Variants in CALCR observed in about 807,000 individuals in gnomAD.
CALCR encodes the protein calcitonin receptor.
A neutral mutation model predicts 59.5 loss-of-function variants in CALCR; 47 were observed. That is an observed-to-expected ratio of 0.79 (90% CI 0.63 to 1.01). The LOEUF (loss-of-function observed/expected upper bound fraction) is 1.01. Ranked by LOEUF, CALCR falls within the 50% of genes least tolerant of loss-of-function variation. The probability of loss-of-function intolerance (pLI) is 0.00; values close to 1 mark genes in which losing one functional copy is unlikely to be tolerated. For missense variants in CALCR, 566 were observed against 597.1 expected (o/e 0.95, Z 0.54); for synonymous variants, 213 against 211.3 (o/e 1.01, Z -0.07).
chr7:93,492,242 T>G lies in CALCR; in HGVS notation c.-26-5235A>C, dbSNP rs573321981. ...GGGGAACAACACACACCAAGGCCTG[T>G]TGGTGGGAGGGGTGCGAAGGGAGGA... On this transcript the variant is annotated intron_variant, in intron 2 of 13. Coordinates refer to ENST00000426151, the MANE Select transcript of CALCR (RefSeq NM_001742.4). 1.5e-4 allele frequency among the ~76,000 whole-genome samples: 23 copies of G among 151,094 alleles called. No individual in the cohort carries two copies. In the East Asian group the frequency reaches 4.1e-3, roughly 27 times the overall value.
intron 2 of CALCR, among the ~76,000 whole-genome samples, chr7:93,524,160 T>C (rs1180751556): frequency 6.6e-6 from 1 of 151,422 alleles, no homozygotes; most frequent in South Asian, 2.1e-4. Flanking sequence ...TCAATTTATT[T>C]ACTATTTTTT....
At chr7:93,468,446 C>T (rs1757309354) in intron 7 of CALCR, among the ~76,000 whole-genome samples, 1 of 151,698 alleles carries the variant, frequency 6.6e-6, no homozygotes, top group African/African-American at 2.4e-5. Flanking sequence ...CAACAGTATA[C>T]TTATGGATTC....
Position 93,435,937 on chromosome 7 carries a change from C to T in CALCR, c.1149+15G>A. The T allele has an allele frequency of 6.6e-7, 1 of 1,516,672 alleles. No homozygotes were observed. The highest frequency in any genetic ancestry group is 9.2e-7 in the Non-Finnish European group (1 of 1,091,852). The allele number at this position is 1,516,672 out of a possible 1,614,324, so 94.0% of individuals were successfully genotyped here. On this transcript the variant is annotated intron_variant, in intron 12 of 13. Transcript: ENST00000426151. Reference sequence around the variant, plus strand: ...AAGCACAGTAGTTGAATAAATACACCTTTGGCTTCCTTACCTGGAAATGAA... The same window carrying T: ...AAGCACAGTAGTTGAATAAATACACTTTTGGCTTCCTTACCTGGAAATGAA...
intron 2 of CALCR, among the ~76,000 whole-genome samples, chr7:93,523,925 T>G (rs1801819240): frequency 6.6e-6 from 1 of 152,066 alleles, no homozygotes; most frequent in African/African-American, 2.4e-5. Context: ...TACTGCCTAA[T>G]AATTTCTCTA....
intron 2 of CALCR, among the ~76,000 whole-genome samples, chr7:93,491,405 T>C (rs1801072992): frequency 1.3e-5 from 2 of 151,908 alleles, no homozygotes; most frequent in Non-Finnish European, 2.9e-5. Flanking sequence ...AATTGACAAA[T>C]GGGATCTAAC....
At chr7:93,545,812 T>G (rs1380959127) in intron 2 of CALCR, among the ~76,000 whole-genome samples, 1 of 152,082 alleles carries the variant, frequency 6.6e-6, no homozygotes, top group African/African-American at 2.4e-5. Flanking sequence ...GGGTGGAGAT[T>G]GGAGCAAAAG....
chr7:93,473,587 C>CG (rs1207464768), intron 5 of CALCR, among the ~76,000 whole-genome samples: 17 of 144,334 alleles, frequency 1.2e-4, no homozygotes, highest in Non-Finnish European at 1.9e-4. Context: ...TTGGCCCCCC[C>CG]CCCTTTTTTT....
Position 93,487,695 on chromosome 7 carries a change from G to T in CALCR, c.-26-688C>A, listed in dbSNP as rs572779151. 6.6e-5 allele frequency among the ~76,000 whole-genome samples: 10 copies of T among 151,582 alleles called. 1 individual carries two copies. The East Asian group carries it at 7.8e-4, about 12-fold the overall frequency. ...AGAAAACTTAACAAAGGGTTAAACA[G>T]TTGAAAAATACATATATTTCTTTTC... On this transcript the variant is annotated intron_variant, in intron 2 of 13. Transcript: ENST00000426151.
intron 2 of CALCR, among the ~76,000 whole-genome samples, chr7:93,490,089 C>A (rs554040248): frequency 6.6e-6 from 1 of 152,006 alleles, no homozygotes; most frequent in East Asian, 1.9e-4. Context: ...TCCTGAGATG[C>A]AAGTCTGGTT....
rs550332201 is a variant in CALCR, at chr7:93,536,036, T to C, written c.-27+38253A>G. ...TATTTAATGTTATTATCTGTATGTA[T>C]GTCTATACTAGTGTAGATAATGCAT... On this transcript the variant is annotated intron_variant, in intron 2 of 13. Transcript: ENST00000426151. Among the ~76,000 whole-genome samples the C allele has an allele frequency of 4.6e-5, 7 of 152,030 alleles. No individual in the cohort carries two copies. In the South Asian group the frequency reaches 1.4e-3, roughly 31 times the overall value.
intron 12 of CALCR, 95 bp from the exon 13 acceptor site, chr7:93,434,389 GAAAA>G: frequency 7.8e-6 from 4 of 511,088 alleles, no homozygotes; most frequent in Non-Finnish European, 1.0e-5. Flanking sequence ...AAGGCCTGAT[GAAAA>G]AAAAAAAAAG....
At chr7:93,537,742 A>C (rs931484453) in intron 2 of CALCR, among the ~76,000 whole-genome samples, 1 of 151,726 alleles carries the variant, frequency 6.6e-6, no homozygotes, top group Non-Finnish European at 1.5e-5. Context: ...ACATACATAC[A>C]TACATATATA....
rs774162832 is a variant in CALCR at position 93,424,846 on chromosome 7, C to CTT, written c.*1508_*1509dup. Reference sequence around the variant, plus strand: ...CATTCAGTAAAGGAGACTTAAACTACTTTAGTATCCCAAATTCATTTTCTC... The same window carrying CTT: ...CATTCAGTAAAGGAGACTTAAACTACTTTTTAGTATCCCAAATTCATTTTCTC... On this transcript the variant is annotated 3_prime_UTR_variant, in exon 14 of 14. Coordinates refer to ENST00000426151, the MANE Select transcript of CALCR (RefSeq NM_001742.4). 10 of 152,574 alleles carry CTT rather than the reference C, an allele frequency of 6.6e-5. No homozygotes were observed. Among genetic ancestry groups the CTT allele is most frequent in the Non-Finnish European group, 1.3e-4 (9 of 68,012 alleles). 9.5% of individuals were successfully genotyped at this position (152,574 alleles called of 1,614,324 possible).
chr7:93,475,616 T>C (rs1800650817), intron 5 of CALCR, among the ~76,000 whole-genome samples: 1 of 151,806 alleles, frequency 6.6e-6, no homozygotes, highest in South Asian at 2.1e-4. Flanking sequence ...AAATATATTG[T>C]ATGCAGAGAG....
At chr7:93,460,698 G>A in intron 8 of CALCR, 123 bp downstream of exon 8, 1 of 587,278 alleles carries the variant, frequency 1.7e-6, no homozygotes. Flanking sequence ...AAACTCGACG[G>A]TAGAAGTAAA....
intron 7 of CALCR, among the ~76,000 whole-genome samples, chr7:93,464,042 G>A (rs1396925580): frequency 6.6e-6 from 1 of 152,024 alleles, no homozygotes; most frequent in African/African-American, 2.4e-5. Flanking sequence ...ACTTGAGTAT[G>A]AATCTCAAGA....
chr7:93,506,154 T>C (rs1251232843), intron 2 of CALCR, among the ~76,000 whole-genome samples: 1 of 152,190 alleles, frequency 6.6e-6, no homozygotes, highest in African/African-American at 2.4e-5. Context: ...TGTGTGTCTG[T>C]GTCCTTAGTT....
chr7:93,569,643 TC>T (rs963743377), intron 2 of CALCR, among the ~76,000 whole-genome samples: 3 of 152,084 alleles, frequency 2.0e-5, no homozygotes, highest in Admixed American at 6.6e-5. Context: ...TCTTTTCCAT[TC>T]CCCATGAAAT....
rs1448339390 is a variant in CALCR at position 93,458,876 on chromosome 7, A to G, written c.648+1945T>C. On this transcript the variant is annotated intron_variant, in intron 8 of 13. Transcript: ENST00000426151. ...AATTTTGCAGAACAAAAATTATCAA[A>G]TATTCCTAATTTCATACTCAATCTA... Among the ~76,000 whole-genome samples the G allele has an allele frequency of 2.0e-5, 3 of 152,312 alleles. No individual in the cohort carries two copies. In the East Asian group the frequency reaches 5.8e-4, roughly 29 times the overall value.
Sources: gnomAD v4.1 joint callset for allele counts (sites outside exome capture counted in the v4.1 genomes callset) on GRCh38, gnomAD v4.1.1 for gene constraint, MANE v1.5 for transcripts, NCBI Gene and HGNC (gene_info 2026-07-23, HGNC 2026-07-21) for gene names.